Variants in C10orf67 observed in about 807,000 individuals in gnomAD.
C10orf67 encodes the protein chromosome 10 open reading frame 67.
A neutral mutation model predicts 35.6 loss-of-function variants in C10orf67; 60 were observed. That is an observed-to-expected ratio of 1.68 (90% CI 1.37 to 2.09). The LOEUF is 2.09. C10orf67 is among the 30% of genes most tolerant of loss of function. C10orf67 has a pLI of 0.00. For synonymous variants in C10orf67, 167 were observed against 115.8 expected (o/e 1.44, Z -2.84); for missense variants, 474 against 330.2 (o/e 1.44, Z -3.38).
chr10:23,220,455 G>C (rs1432173954), intron 15 of C10orf67, among the ~76,000 whole-genome samples: 2 of 152,192 alleles, frequency 1.3e-5, no homozygotes, highest in Admixed American at 1.3e-4. Context: ...GTAGTCACCT[G>C]AGCTTGAAAG....
intron 4 of C10orf67, among the ~76,000 whole-genome samples, chr10:23,314,285 C>T (rs950656407): frequency 1.9e-4 from 29 of 151,964 alleles, no homozygotes; most frequent in Non-Finnish European, 3.7e-4. Flanking sequence ...AATTTGTTAT[C>T]TAGTGCTGCA....
At chr10:23,291,047 A>G in intron 6 of C10orf67, 85 bp downstream of exon 6, 1 of 614,230 alleles carries the variant, frequency 1.6e-6, no homozygotes, top group Admixed American at 3.0e-5. Context: ...AAACGAATGT[A>G]TGTTTGGAAA....
intron 15 of C10orf67, among the ~76,000 whole-genome samples, chr10:23,209,639 G>A (rs1564454085): frequency 6.6e-6 from 1 of 152,122 alleles, no homozygotes; most frequent in South Asian, 2.1e-4. Flanking sequence ...GCTTGACTGT[G>A]GTGATCATTT....
chr10:23,204,360 G>C, intron 15 of C10orf67, 105 bp from the exon 16 acceptor site: 1 of 432,172 alleles, frequency 2.3e-6, no homozygotes. Context: ...TTTTTTAGTG[G>C]GTCTTCCCAG....
At chr10:23,317,662 G>T (rs976892371) in intron 4 of C10orf67, 3 of 152,144 alleles carry the variant, frequency 2.0e-5, no homozygotes, top group Admixed American at 1.3e-4. Flanking sequence ...AAGCCCCAAA[G>T]AGTCTATAGA....
chr10:23,322,524 A>G lies in C10orf67; in HGVS notation c.341T>C (p.Leu114Pro), dbSNP rs747483330. The G allele has an allele frequency of 6.2e-7, 1 of 1,606,054 alleles. No individual in the cohort carries two copies. Reference protein sequence around the residue: ...TQKLAQMMKSLQVDFGFLKQL... With the variant: ...TQKLAQMMKSPQVDFGFLKQL... ...TTTGAGGAACCCAAAATCTACCTGG[A>G]GGGATTTCATCATCTAAAAATGGAA... The change falls in exon 3 of 16, where the codon CTC becomes CCC. Residue 114 changes from leucine to proline, a missense_variant. By Grantham distance (98) the Leu-to-Pro change is moderately conservative. Transcript: ENST00000636213.
Position 23,310,354 on chromosome 10 carries a change from T to G in C10orf67, c.547-6895A>C, listed in dbSNP as rs1438086664. Among the ~76,000 whole-genome samples the G allele has an allele frequency of 2.0e-5, 3 of 152,338 alleles. No individual in the cohort carries two copies. The East Asian group carries it at 5.8e-4, about 29-fold the overall frequency. ...CCCCCTTAGATTTGGCAGTCTGCAG[T>G]GGAGGAGAAGGGTTGAGCCTCTCTT... On this transcript the variant is annotated intron_variant, in intron 4 of 15. Transcript: ENST00000636213.
intron 15 of C10orf67, among the ~76,000 whole-genome samples, chr10:23,213,183 T>C (rs936443010): frequency 2.6e-5 from 4 of 152,160 alleles, no homozygotes; most frequent in African/African-American, 7.2e-5. Flanking sequence ...GAAGGTACTA[T>C]TGAAGAATTC....
At chr10:23,285,108 T>C (rs1422100515) in intron 7 of C10orf67, among the ~76,000 whole-genome samples, 1 of 152,170 alleles carries the variant, frequency 6.6e-6, no homozygotes, top group Non-Finnish European at 1.5e-5. Flanking sequence ...CATGCTGACA[T>C]TCATTATCTC....
rs574492325 is a variant in C10orf67, at chr10:23,203,573, C to A, written c.*600G>T. ...TGGTAAACGGTGTCTGGCATTCCAG[C>A]AGAATCTTGGTTTGCATCCTTACCA... On this transcript the variant is annotated 3_prime_UTR_variant, in exon 16 of 16. Transcript: ENST00000636213. 37 of 152,258 alleles carry A rather than the reference C, an allele frequency of 2.4e-4. No individual in the cohort carries two copies. The highest frequency in any genetic ancestry group is 8.7e-4 in the African/African-American group (36 of 41,538). The allele number at this position is 152,258 out of a possible 1,614,324, so 9.4% of individuals were successfully genotyped here.
chr10:23,224,509 T>A (rs986298934), intron 13 of C10orf67, among the ~76,000 whole-genome samples: 2 of 152,062 alleles, frequency 1.3e-5, no homozygotes, highest in African/African-American at 4.8e-5. Context: ...TCGCCAGCAA[T>A]GGAACAAAGC....
intron 4 of C10orf67, among the ~76,000 whole-genome samples, chr10:23,314,843 C>T (rs553408399): frequency 7.9e-5 from 12 of 152,114 alleles, no homozygotes; most frequent in Non-Finnish European, 1.6e-4. Context: ...TTTTATGTAA[C>T]ATAATTACAT....
chr10:23,343,851 CG>C (rs1846019241), intron 1 of C10orf67: 1 of 455,118 alleles, frequency 2.2e-6, no homozygotes, highest in African/African-American at 2.0e-5. Context: ...GAGCGAGGGC[CG>C]GGGCGCGAGG....
rs1201471539 is a variant in C10orf67 at position 23,203,880 on chromosome 10, T to C, written c.*293A>G. The C allele has an allele frequency of 7.4e-6, 2 of 269,308 alleles. No individual in the cohort carries two copies. The highest frequency in any genetic ancestry group is 4.4e-5 in the African/African-American group (2 of 45,530). The allele number at this position is 269,308 out of a possible 1,614,324, so 16.7% of individuals were successfully genotyped here. A position where few individuals can be genotyped will look rare whatever the true frequency, so the allele number is the denominator to read the frequency against. ...TTCCCACTCTTAGACGCCTGGGCTC[T>C]TCTGAGTCCCCGGAGCTCCTGAATG... On this transcript the variant is annotated 3_prime_UTR_variant, in exon 16 of 16. Transcript: ENST00000636213.
At chr10:23,269,346 GT>G (rs1224926617) in intron 8 of C10orf67, among the ~76,000 whole-genome samples, 2 of 152,170 alleles carry the variant, frequency 1.3e-5, no homozygotes, top group Admixed American at 6.5e-5. Flanking sequence ...CAAGTGGACT[GT>G]CAAAAGTTAA....
chr10:23,283,458 A>G (rs939657158), intron 7 of C10orf67, among the ~76,000 whole-genome samples: 1 of 152,120 alleles, frequency 6.6e-6, no homozygotes. Flanking sequence ...CAACAACTTC[A>G]CTGGACTCTG....
intron 2 of C10orf67, among the ~76,000 whole-genome samples, chr10:23,330,105 G>A (rs1312131462): frequency 1.3e-5 from 2 of 152,084 alleles, no homozygotes; most frequent in South Asian, 2.1e-4. Context: ...ATTAGAAATA[G>A]AAGAAGACAT....
intron 4 of C10orf67, among the ~76,000 whole-genome samples, chr10:23,319,834 A>G (rs1375213996): frequency 1.3e-5 from 2 of 152,192 alleles, no homozygotes; most frequent in African/African-American, 2.4e-5. Context: ...TGTCTGTGCT[A>G]TAGCTGAAAA....
intron 2 of C10orf67, among the ~76,000 whole-genome samples, chr10:23,330,818 A>G (rs1384305771): frequency 6.6e-6 from 1 of 152,138 alleles, no homozygotes; most frequent in Non-Finnish European, 1.5e-5. Context: ...TACCTTGGCA[A>G]TCAATGGGTG....
Sources: gnomAD v4.1 joint callset for allele counts (sites outside exome capture counted in the v4.1 genomes callset) on GRCh38, gnomAD v4.1.1 for gene constraint, MANE v1.5 for transcripts, NCBI Gene and HGNC (gene_info 2026-07-23, HGNC 2026-07-21) for gene names.